ARHGEF5: variants seen among roughly 807,000 people sequenced by gnomAD.
ARHGEF5 encodes Rho guanine nucleotide exchange factor 5.
In ARHGEF5, 11 loss-of-function variants were observed where a neutral mutation model predicts 104.0. The ratio of observed to expected loss-of-function variants is 0.11; its 90% confidence interval spans 0.07 to 0.18. The LOEUF is 0.18. Among genes scored for constraint, ARHGEF5 ranks in the 10% least tolerant of loss-of-function variants. ARHGEF5 has a pLI of 1.00. For missense variants in ARHGEF5, 165 were observed against 1,335.4 expected (o/e 0.12, Z 13.66); for synonymous variants, 60 against 512.2 (o/e 0.12, Z 11.92).
chr7:144,372,266 T>TC, intron 7 of ARHGEF5, 33 bp from the exon 8 acceptor site: 1 of 449,648 alleles, frequency 2.2e-6, no homozygotes, highest in Non-Finnish European at 3.9e-6. Flanking sequence ...GCTCCCCATA[T>TC]CCCCCCTCCC....
intron 1 of ARHGEF5, among the ~76,000 whole-genome samples, chr7:144,360,853 A>C (rs1397759006): frequency 1.4e-5 from 2 of 143,894 alleles, no homozygotes; most frequent in Middle Eastern, 3.5e-3. Flanking sequence ...TATAATTATA[A>C]TTGTATAAAT....
chr7:144,361,041 A>G lies in ARHGEF5; in HGVS notation c.-12-1617A>G, dbSNP rs998988834. On this transcript the variant is annotated intron_variant, in intron 1 of 14. Coordinates refer to ENST00000056217, the MANE Select transcript of ARHGEF5 (RefSeq NM_005435.4). ...TCAGGAGATTGAGACCATCCTGGCC[A>G]GAATGGTGAAACCCCGTCTCTACTA... 5.8e-4 allele frequency among the ~76,000 whole-genome samples: 84 copies of G among 144,732 alleles called. 13 individuals carry two copies. The highest frequency in any genetic ancestry group is 2.0e-3 in the African/African-American group (78 of 39,390). The allele number at this position is 144,732 out of a possible 152,430, so 94.9% of individuals were successfully genotyped here. A position where few individuals can be genotyped will look rare whatever the true frequency, so the allele number is the denominator to read the frequency against.
At chr7:144,377,327 G>A in intron 13 of ARHGEF5, 137 bp downstream of exon 13, 1 of 1,481,486 alleles carries the variant, frequency 6.7e-7, no homozygotes, top group Non-Finnish European at 9.1e-7. Flanking sequence ...TGGAAGATTG[G>A]CCTCTAGAGC....
chr7:144,364,025 G>C lies in ARHGEF5; in HGVS notation c.1356G>C (p.Ser452=). Residue 452 remains serine (S), a synonymous_variant, in exon 2 of 15, where the codon TCG becomes TCC. Transcript: ENST00000056217. The part of the protein sequence containing the change: ...EELSPAALSP[S]LEPIRCSHQP... ...TGTCCCCCGCAGCTCTGTCTCCCTC[G>C]CTAGAGCCCATCAGGTGCTCTCACC... 7.2e-7 allele frequency: 1 copy of C among 1,380,316 alleles called. No individual in the cohort carries two copies. The highest frequency in any genetic ancestry group is 1.2e-5 in the South Asian group (1 of 81,758). 85.5% of individuals were successfully genotyped at this position (1,380,316 alleles called of 1,614,324 possible). A position where few individuals can be genotyped will look rare whatever the true frequency, so the allele number is the denominator to read the frequency against.
chr7:144,380,335 C>T lies in ARHGEF5; in HGVS notation c.*279C>T. The T allele has an allele frequency of 2.7e-6, 1 of 366,196 alleles. No homozygotes were observed. Among genetic ancestry groups the T allele is most frequent in the South Asian group, 3.8e-5 (1 of 26,370 alleles). The allele number at this position is 366,196 out of a possible 1,614,324, so 22.7% of individuals were successfully genotyped here. A position where few individuals can be genotyped will look rare whatever the true frequency, so the allele number is the denominator to read the frequency against. ...CCTGAGCCAAGGAACTTTCCTTCTACTGCCTTATAGTGCTTAAACATTCTC... is the reference window on the plus strand; with the variant it reads ...CCTGAGCCAAGGAACTTTCCTTCTATTGCCTTATAGTGCTTAAACATTCTC... On this transcript the variant is annotated 3_prime_UTR_variant, in exon 15 of 15. Coordinates refer to ENST00000056217, the MANE Select transcript of ARHGEF5 (RefSeq NM_005435.4).
rs1332905194 is a variant in ARHGEF5 at position 144,380,546 on chromosome 7, T to A, written c.*490T>A. On this transcript the variant is annotated 3_prime_UTR_variant, in exon 15 of 15. Coordinates refer to ENST00000056217, the MANE Select transcript of ARHGEF5 (RefSeq NM_005435.4). ...AATTCACCATAATTATGGTGCAAGGTCAGTGTGTCTCTGAGATCTATGTCT... is the reference window on the plus strand; with the variant it reads ...AATTCACCATAATTATGGTGCAAGGACAGTGTGTCTCTGAGATCTATGTCT... The A allele has an allele frequency of 6.5e-6, 1 of 154,108 alleles. No homozygotes were observed. Among genetic ancestry groups the A allele is most frequent in the Non-Finnish European group, 1.4e-5 (1 of 69,256 alleles). The allele number at this position is 154,108 out of a possible 1,614,324, so 9.5% of individuals were successfully genotyped here.
At chr7:144,358,799 G>GTGTGTT (rs1322663464) in intron 1 of ARHGEF5, among the ~76,000 whole-genome samples, 11 of 131,136 alleles carry the variant, frequency 8.4e-5, no homozygotes, top group African/African-American at 2.5e-4. Context: ...GTGTGTGTGT[G>GTGTGTT]TGTACACACA....
rs1258432074 is a variant in ARHGEF5 at position 144,361,088 on chromosome 7, T to A, written c.-12-1570T>A. ...ACTAAAAGTACAAAAATTAGCTGGG[T>A]GTGGTGGCACACACCTATAGTCCCA... On this transcript the variant is annotated intron_variant, in intron 1 of 14. Coordinates refer to ENST00000056217, the MANE Select transcript of ARHGEF5 (RefSeq NM_005435.4). Among the ~76,000 whole-genome samples the A allele has an allele frequency of 1.4e-5, 2 of 142,720 alleles. 1 individual carries two copies. The highest frequency in any genetic ancestry group is 5.2e-5 in the African/African-American group (2 of 38,714). The allele number at this position is 142,720 out of a possible 152,430, so 93.6% of individuals were successfully genotyped here. A position where few individuals can be genotyped will look rare whatever the true frequency, so the allele number is the denominator to read the frequency against.
At position 144,373,270 on chromosome 7, in the gene ARHGEF5, G is replaced by C; in HGVS notation, c.4126G>C (p.Glu1376Gln). ...EELIYLSQKIEFECKIFPLIS... is the reference protein window; with the variant it reads ...EELIYLSQKIQFECKIFPLIS... ...ACTAATCTACCTGAGCCAGAAGATT[G>C]AGTTTGAGTGCAAAGTGAGTCGGTC... The change falls in exon 10 of 15, where the codon GAG (glutamate) becomes CAG (glutamine). Residue 1376 changes from glutamate (E) to glutamine (Q), a missense_variant. By Grantham distance (29) the Glu-to-Gln change is conservative. Transcript: ENST00000056217. 6.9e-7 allele frequency: 1 copy of C among 1,447,582 alleles called. No individual in the cohort carries two copies. The highest frequency in any genetic ancestry group is 1.2e-5 in the South Asian group (1 of 80,842). 89.7% of individuals were successfully genotyped at this position (1,447,582 alleles called of 1,614,324 possible).
At chr7:144,377,217 A>G (rs1353842069) in intron 13 of ARHGEF5, 27 bp downstream of exon 13, 3 of 1,425,674 alleles carry the variant, frequency 2.1e-6, no homozygotes, top group African/African-American at 1.4e-5. Flanking sequence ...GAGGGAGAGA[A>G]AAGAAAGCAG....
At chr7:144,358,758 A>AGTGTGTGTGT (rs71222348) in intron 1 of ARHGEF5, among the ~76,000 whole-genome samples, 48 of 90,868 alleles carry the variant, frequency 5.3e-4, no homozygotes, top group Admixed American at 1.4e-3. Context: ...AGGATGGCTC[A>AGTGTGTGTGT]GTGTGTGTGT....
In ARHGEF5 at chr7:144,377,550, G is replaced by A. The variant is rs141801861; in HGVS notation, c.4531+360G>A. Among the ~76,000 whole-genome samples the A allele has an allele frequency of 3.5e-3, 531 of 152,162 alleles. 3 individuals carry two copies. The highest frequency in any genetic ancestry group is 5.3e-3 in the Non-Finnish European group (361 of 68,008). On this transcript the variant is annotated intron_variant, in intron 13 of 14. Coordinates refer to ENST00000056217, the MANE Select transcript of ARHGEF5 (RefSeq NM_005435.4). ...GACGGTGGTAGAAGGTGTGCAGGAG[G>A]ATAGCACCCCAGATCTATCTTGACC...
At chr7:144,357,535 ATTT>A (rs2053605757) in intron 1 of ARHGEF5, among the ~76,000 whole-genome samples, 1 of 146,858 alleles carries the variant, frequency 6.8e-6, no homozygotes, top group African/African-American at 2.5e-5. Flanking sequence ...CCTCAATATT[ATTT>A]TAGTGATTTG....
rs977858642 is a variant in ARHGEF5 at position 144,380,137 on chromosome 7, C to A, written c.*81C>A. On this transcript the variant is annotated 3_prime_UTR_variant, in exon 15 of 15. Transcript: ENST00000056217. ...TGGCCCCAGAACCCTGCAAGAGAGG[C>A]CTTCTGTGGATGGAGAACTAGGCCT... The A allele has an allele frequency of 4.5e-6, 7 of 1,552,458 alleles. No homozygotes were observed. Among genetic ancestry groups the A allele is most frequent in the Non-Finnish European group, 6.2e-6 (7 of 1,135,044 alleles).
intron 10 of ARHGEF5, among the ~76,000 whole-genome samples, chr7:144,374,203 A>G (rs1231102867): frequency 1.2e-5 from 1 of 83,562 alleles, no homozygotes; most frequent in Non-Finnish European, 2.6e-5. Context: ...TCACATACTA[A>G]GCATAGACCA....
chr7:144,379,502 G>A (rs1230260648), intron 14 of ARHGEF5, among the ~76,000 whole-genome samples: 2 of 152,126 alleles, frequency 1.3e-5, no homozygotes, highest in African/African-American at 4.8e-5. Context: ...GAGCCACCAC[G>A]CCCAGCCCAA....
intron 13 of ARHGEF5, among the ~76,000 whole-genome samples, chr7:144,378,172 C>A (rs1248054941): frequency 6.6e-6 from 1 of 152,132 alleles, no homozygotes; most frequent in Non-Finnish European, 1.5e-5. Context: ...CTTGAATGTC[C>A]TCAAGATTCA....
rs761939610 is a variant in ARHGEF5, at chr7:144,363,294, G to T, written c.625G>T (p.Glu209Ter). The change falls in exon 2 of 15, where the codon GAG becomes TAG. Residue 209 changes from glutamate (E) to a stop codon, truncating the protein, a stop_gained. Coordinates refer to ENST00000056217, the MANE Select transcript of ARHGEF5 (RefSeq NM_005435.4). LOFTEE classifies it high-confidence loss of function. ...AAGTGGGACTATCAGGCAGGGGGAA[G>T]AGCTGCCACCTGAGGAGCTGCAGGA... ...SESGTIRQGE[E>*]LPPEELQESQ... 2 of 1,592,696 alleles carry T rather than the reference G, an allele frequency of 1.3e-6. No individual in the cohort carries two copies. The highest frequency in any genetic ancestry group is 2.7e-5 in the African/African-American group (2 of 73,506).
chr7:144,370,455 ATTTAG>A (rs2053714261), intron 5 of ARHGEF5, among the ~76,000 whole-genome samples: 1 of 151,440 alleles, frequency 6.6e-6, no homozygotes, highest in Admixed American at 6.6e-5. Flanking sequence ...TGCTCAATTT[ATTTAG>A]TTTAGTTAGT....
Sources: gnomAD v4.1 joint callset for allele counts (sites outside exome capture counted in the v4.1 genomes callset) on GRCh38, gnomAD v4.1.1 for gene constraint, MANE v1.5 for transcripts, NCBI Gene and HGNC (gene_info 2026-07-23, HGNC 2026-07-21) for gene names.